COL16A1: variants seen among roughly 807,000 people sequenced by gnomAD.
COL16A1 encodes the protein collagen type XVI alpha 1 chain, also known as collagen alpha-1(XVI) chain.
Under a neutral mutation model 266.3 loss-of-function variants are expected in COL16A1, and 189 were observed. That is an observed-to-expected ratio of 0.71 (90% CI 0.63 to 0.80). The LOEUF (loss-of-function observed/expected upper bound fraction) is 0.80, where lower values mean the gene tolerates loss of function less well. COL16A1 is among the 30% of genes least tolerant of loss of function. COL16A1 has a pLI of 0.00. For missense variants in COL16A1, 1,928 were observed against 2,122.4 expected (o/e 0.91, Z 1.80); for synonymous variants, 740 against 782.3 (o/e 0.95, Z 0.90).
chr1:31,671,710 C>T (rs1372671714), intron 47 of COL16A1, 51 bp from the exon 48 acceptor site: 1 of 1,610,438 alleles, frequency 6.2e-7, no homozygotes, highest in East Asian at 2.2e-5. Flanking sequence ...CCCCATAGAG[C>T]CCCTGGGATT....
chr1:31,670,686 G>A lies in COL16A1; in HGVS notation c.3151-40C>T. On this transcript the variant is annotated intron_variant, in intron 48 of 70. Coordinates refer to ENST00000373672, the MANE Select transcript of COL16A1 (RefSeq NM_001856.4). This position sits in a 1 kb window ranked among gnomAD's most constrained non-coding sequence, Gnocchi z 4.5. ...AGGCAGGTCACATCTCACAGGCACA[G>A]TAACCCTGGGACAGCCTGGAGGGCA... The A allele has an allele frequency of 1.4e-6, 2 of 1,418,228 alleles. No homozygotes were observed. The highest frequency in any genetic ancestry group is 1.8e-6 in the Non-Finnish European group (2 of 1,086,034). The allele number at this position is 1,418,228 out of a possible 1,614,324, so 87.9% of individuals were successfully genotyped here.
At position 31,652,468 on chromosome 1, in the gene COL16A1, C is replaced by G. The variant is rs1444218152; in HGVS notation, c.*183G>C. ...GCAACAGGGAGCTCTGGCTGCAGCA[C>G]CAGAGGAACCCACTGGAAGGGAAAG... On this transcript the variant is annotated 3_prime_UTR_variant, in exon 71 of 71. Coordinates refer to ENST00000373672, the MANE Select transcript of COL16A1 (RefSeq NM_001856.4). The surrounding 1 kb of genome is among the most constrained non-coding windows in gnomAD (Gnocchi z 4.8). 1.5e-6 allele frequency: 1 copy of G among 674,858 alleles called. No individual in the cohort carries two copies. Among genetic ancestry groups the G allele is most frequent in the African/African-American group, 1.9e-5 (1 of 53,132 alleles). The allele number at this position is 674,858 out of a possible 1,614,324, so 41.8% of individuals were successfully genotyped here.
chr1:31,699,933 T>A lies in COL16A1; in HGVS notation c.149-3A>T. 2 of 1,609,026 alleles carry A rather than the reference T, an allele frequency of 1.2e-6. No homozygotes were observed. Among genetic ancestry groups the A allele is most frequent in the Non-Finnish European group, 1.7e-6 (2 of 1,175,502 alleles). ...GAGTCGGTGGATGAGGTTGAAGCCT[T>A]TGGGGGAGACATCAGGTGAAGAGCT... is the stretch of plus-strand genomic sequence containing the variant. On this transcript the variant is annotated splice_region_variant and splice_polypyrimidine_tract_variant and intron_variant, in intron 3 of 70. Coordinates refer to ENST00000373672, the MANE Select transcript of COL16A1 (RefSeq NM_001856.4).
At chr1:31,677,434 T>TCCC (rs1218237281) in intron 42 of COL16A1, among the ~76,000 whole-genome samples, 1 of 152,244 alleles carries the variant, frequency 6.6e-6, no homozygotes, top group Non-Finnish European at 1.5e-5. Flanking sequence ...CATCCCTTGC[T>TCCC]CCCCTCTCCA....
chr1:31,668,245 T>A lies in COL16A1; in HGVS notation c.3250-27A>T. 8 of 1,612,186 alleles carry A rather than the reference T, an allele frequency of 5.0e-6. No individual in the cohort carries two copies. The highest frequency in any genetic ancestry group is 6.8e-6 in the Non-Finnish European group (8 of 1,178,546). On this transcript the variant is annotated intron_variant, in intron 50 of 70. Transcript: ENST00000373672. This position sits in a 1 kb window ranked among gnomAD's most constrained non-coding sequence, Gnocchi z 5.8. The stretch of plus-strand genomic sequence containing the variant: ...TGCAAAGAAAGGCAGACATGATGGA[T>A]AGCCCCCCAACATTTCTGTTCTCCC...
intron 62 of COL16A1, 31 bp downstream of exon 62, chr1:31,660,554 T>C (rs1196328304): frequency 3.1e-6 from 5 of 1,613,178 alleles, no homozygotes; most frequent in Middle Eastern, 1.6e-4. Context: ...CTAACTCTTA[T>C]GGAGACAGAG....
intron 23 of COL16A1, 153 bp from the exon 24 acceptor site, chr1:31,689,238 G>T: frequency 7.9e-7 from 1 of 1,262,230 alleles, no homozygotes; most frequent in Non-Finnish European, 1.1e-6. Context: ...CAGAGGCAGG[G>T]TTCATCAACC....
intron 20 of COL16A1, 47 bp downstream of exon 20, chr1:31,691,141 G>A (rs1316320129): frequency 3.1e-6 from 5 of 1,599,382 alleles, no homozygotes; most frequent in Non-Finnish European, 4.3e-6. Flanking sequence ...CTCTCCTCCT[G>A]TCAAGCATGG....
chr1:31,678,002 A>T (rs1643327822), intron 42 of COL16A1, among the ~76,000 whole-genome samples: 1 of 152,210 alleles, frequency 6.6e-6, no homozygotes. Flanking sequence ...GTTTCCTGGC[A>T]GTGTGGCAGG....
At chr1:31,694,802 C>T (rs1013133349) in intron 11 of COL16A1, among the ~76,000 whole-genome samples, 5 of 152,192 alleles carry the variant, frequency 3.3e-5, no homozygotes, top group African/African-American at 4.8e-5. Flanking sequence ...GAGCCCTTGC[C>T]GTGCTGAGCC....
Position 31,683,354 on chromosome 1 carries a change from G to A in COL16A1, c.2395C>T (p.Pro799Ser). Reference protein sequence around the residue: ...VQGPQGEPGAPGLPGIQGLPG... With the variant: ...VQGPQGEPGASGLPGIQGLPG... ...CGTACCTGAATGCCAGGCAAACCCGGGGCTCCAGGCTCCCCCTGCAAGTCA... is the reference window on the plus strand; with the variant it reads ...CGTACCTGAATGCCAGGCAAACCCGAGGCTCCAGGCTCCCCCTGCAAGTCA... The change falls in exon 35 of 71, where the codon CCG becomes TCG. Residue 799 changes from proline (P) to serine (S), a missense_variant. By Grantham distance (74) the Pro-to-Ser change is moderately conservative. Transcript: ENST00000373672. 6.2e-7 allele frequency: 1 copy of A among 1,614,134 alleles called. No homozygotes were observed. Among genetic ancestry groups the A allele is most frequent in the Non-Finnish European group, 8.5e-7 (1 of 1,180,038 alleles).
chr1:31,689,157 G>A lies in COL16A1; in HGVS notation c.1621-72C>T, dbSNP rs987619943. ...ACCCCCAAACTCCCTGGCAATATGC[G>A]AGGACAGCAATGTCACACACGCAAA... On this transcript the variant is annotated intron_variant, in intron 23 of 70. Coordinates refer to ENST00000373672, the MANE Select transcript of COL16A1 (RefSeq NM_001856.4). 58 of 1,608,654 alleles carry A rather than the reference G, an allele frequency of 3.6e-5. No individual in the cohort carries two copies. In the Admixed American group the frequency reaches 3.7e-4, roughly 10 times the overall value.
chr1:31,697,265 C>T lies in COL16A1; in HGVS notation c.693G>A (p.Pro231=), dbSNP rs368243548. 6.3e-5 allele frequency: 101 copies of T among 1,612,418 alleles called. No individual in the cohort carries two copies. The highest frequency in any genetic ancestry group is 4.2e-4 in the East Asian group (19 of 44,776). ...DLQQVHIYCD[P]ELVLEEGCCE... is the part of the protein sequence containing the mutation. ...AGCAGCCCTCCTCCAGCACGAGCTC[C>T]GGGTCACAGTAGATGTGCACCTGCT... The change falls in exon 7 of 71, where the codon CCG becomes CCA. Residue 231 remains proline (P), a synonymous_variant. Coordinates refer to ENST00000373672, the MANE Select transcript of COL16A1 (RefSeq NM_001856.4). This position sits in a 1 kb window ranked among gnomAD's most constrained non-coding sequence, Gnocchi z 4.2.
At chr1:31,658,453 C>G (rs745856920) in intron 64 of COL16A1, 35 bp downstream of exon 64, 2 of 1,541,208 alleles carry the variant, frequency 1.3e-6, no homozygotes, top group Admixed American at 3.7e-5. Context: ...TTGACTCTTT[C>G]CCCCTGGGCT....
In COL16A1 at chr1:31,665,625, T is replaced by C. The variant is rs1212655916; in HGVS notation, c.3457-7A>G. The C allele has an allele frequency of 6.2e-7, 1 of 1,612,274 alleles. No homozygotes were observed. The highest frequency in any genetic ancestry group is 2.2e-5 in the East Asian group (1 of 44,664). On this transcript the variant is annotated splice_region_variant and splice_polypyrimidine_tract_variant and intron_variant, in intron 54 of 70. Coordinates refer to ENST00000373672, the MANE Select transcript of COL16A1 (RefSeq NM_001856.4). ...CTGGCTGGCCTTGAAATCCCTAGGG[T>C]GAGAAGCAAGGGGCAGTGTGCTGTG... is the stretch of plus-strand genomic sequence containing the variant.
chr1:31,661,685 C>A lies in COL16A1; in HGVS notation c.3701G>T (p.Gly1234Val). 1 of 1,602,760 alleles carries A rather than the reference C, an allele frequency of 6.2e-7. No individual in the cohort carries two copies. Among genetic ancestry groups the A allele is most frequent in the Non-Finnish European group, 8.5e-7 (1 of 1,177,058 alleles). The change falls in exon 59 of 71, where the codon GGC becomes GTC. Residue 1234 changes from glycine (G) to valine (V), a missense_variant. Physicochemically the swap from Gly to Val is moderately radical, Grantham distance 109. Around this residue, in one of 2 missense-constraint regions of COL16A1, gnomAD observed 1,552 missense variants for 1,637.2 expected, o/e 0.95. Coordinates refer to ENST00000373672, the MANE Select transcript of COL16A1 (RefSeq NM_001856.4). ...PGLRGDPGPAGPPGLMGPPGF... is the reference protein window; with the variant it reads ...PGLRGDPGPAVPPGLMGPPGF... The stretch of plus-strand genomic sequence containing the variant: ...CGGTGGTCCCATGAGTCCAGGGGGG[C>A]CAGCAGGACCAGGGTCCCCCTAGGG...
At chr1:31,665,503 C>T (rs1470694533) in intron 55 of COL16A1, 80 bp downstream of exon 55, 8 of 1,611,656 alleles carry the variant, frequency 5.0e-6, no homozygotes, top group South Asian at 1.1e-5. Flanking sequence ...GACCATCCTA[C>T]CCCAGCCTGG....
rs781258135 is a variant in COL16A1, at chr1:31,697,971, G to T, written c.592C>A (p.Arg198=). ...SASSQPLGPR[R]PMRPVGHVFL... The stretch of plus-strand genomic sequence containing the variant: ...ACATGGCCCACAGGCCTCATGGGTC[G>T]TCGGGGCCCCAGAGGCTGGGAGGAG... The change falls in exon 6 of 71, where the codon CGA becomes AGA. Residue 198 remains arginine (R), a synonymous_variant. Coordinates refer to ENST00000373672, the MANE Select transcript of COL16A1 (RefSeq NM_001856.4). This position sits in a 1 kb window ranked among gnomAD's most constrained non-coding sequence, Gnocchi z 4.2. 1.2e-6 allele frequency: 2 copies of T among 1,613,392 alleles called. No homozygotes were observed. The highest frequency in any genetic ancestry group is 1.7e-5 in the Admixed American group (1 of 60,010).
At chr1:31,699,719 G>A (rs1441629383) in intron 4 of COL16A1, 94 bp downstream of exon 4, 1 of 833,118 alleles carries the variant, frequency 1.2e-6, no homozygotes, top group Non-Finnish European at 2.0e-6. Context: ...ATGACCCACA[G>A]ACAGGCCCCT....
Sources: allele counts gnomAD v4.1 joint callset (sites outside exome capture counted in the v4.1 genomes callset), GRCh38; gene constraint gnomAD v4.1.1; regional missense constraint gnomAD v4.1.1; non-coding constraint Gnocchi (gnomAD v3.1); transcripts MANE v1.5; gene names NCBI Gene and HGNC (gene_info 2026-07-23, HGNC 2026-07-21).